Variants in AGMO observed in about 807,000 individuals in gnomAD.
AGMO encodes the protein alkylglycerol monooxygenase.
Under a neutral mutation model 60.2 loss-of-function variants are expected in AGMO, and 75 were observed. The observed-to-expected ratio is 1.25, with a 90% CI of 1.03 to 1.51. The LOEUF is 1.51. Ranked by LOEUF, AGMO falls within the 40% of genes most tolerant of loss-of-function variation. The pLI, the probability that AGMO is intolerant of heterozygous loss-of-function variation, is 0.00. For missense variants in AGMO, 763 were observed against 525.5 expected, an observed-to-expected ratio of 1.45 and a Z score of -4.42; for synonymous variants, 261 against 177.1, an observed-to-expected ratio of 1.47 and a Z score of -3.76.
the AGMO span, among the ~76,000 whole-genome samples, chr7:15,187,593 T>G: frequency 6.6e-6 from 1 of 152,308 alleles, no homozygotes; most frequent in East Asian, 1.9e-4. Context: ...CCCTCTCCGG[T>G]ACCACCCCTT....
At chr7:15,244,866 A>G (rs1433503725) in intron 12 of AGMO, among the ~76,000 whole-genome samples, 1 of 152,008 alleles carries the variant, frequency 6.6e-6, no homozygotes, top group African/African-American at 2.4e-5. Flanking sequence ...GTTACTCAGG[A>G]TGGTCTCGAT....
At chr7:15,365,667 A>T (rs761698886) in intron 11 of AGMO, 48 bp from the exon 12 acceptor site, 31 of 1,223,756 alleles carry the variant, frequency 2.5e-5, no homozygotes, top group Admixed American at 7.1e-5. Flanking sequence ...TATGCTCTTT[A>T]TATGTTCACA....
intron 5 of AGMO, among the ~76,000 whole-genome samples, chr7:15,412,684 TAAAAAAAAAAAA>T (rs765917941): frequency 9.0e-6 from 1 of 111,362 alleles, no homozygotes; most frequent in African/African-American, 3.5e-5. Context: ...TTTCATTATT[TAAAAAAAAAAAA>T]AAAAAAAAAA....
chr7:15,256,621 C>G (rs1783107893), intron 12 of AGMO, among the ~76,000 whole-genome samples: 1 of 152,174 alleles, frequency 6.6e-6, no homozygotes, highest in Non-Finnish European at 1.5e-5. Context: ...CTCGGCCTCC[C>G]AAAGTGCTGG....
At chr7:15,295,093 G>A (rs2095279375) in intron 12 of AGMO, among the ~76,000 whole-genome samples, 1 of 151,168 alleles carries the variant, frequency 6.6e-6, no homozygotes, top group African/African-American at 2.4e-5. Flanking sequence ...AAGAAAGGAG[G>A]AACAGTTAAT....
chr7:15,242,277 C>CATGA (rs1413534795), intron 12 of AGMO, among the ~76,000 whole-genome samples: 4 of 152,088 alleles, frequency 2.6e-5, no homozygotes, highest in Admixed American at 6.5e-5. Context: ...ATCTCTTGAA[C>CATGA]TCAAGAAGAA....
chr7:15,491,533 G>A (rs947542807), intron 3 of AGMO, among the ~76,000 whole-genome samples: 6 of 152,014 alleles, frequency 3.9e-5, no homozygotes, highest in Non-Finnish European at 8.8e-5. Context: ...AAAGTTCTAA[G>A]GACTTTAATA....
chr7:15,426,294 T>C (rs1323198426), intron 4 of AGMO, among the ~76,000 whole-genome samples: 1 of 152,170 alleles, frequency 6.6e-6, no homozygotes, highest in Non-Finnish European at 1.5e-5. Context: ...ACTAATTCTG[T>C]AGTAGACACT....
At chr7:15,383,234 T>A (rs1254688579) in intron 10 of AGMO, among the ~76,000 whole-genome samples, 1 of 152,166 alleles carries the variant, frequency 6.6e-6, no homozygotes, top group African/African-American at 2.4e-5. Context: ...CTTGCCACCA[T>A]GAAGGGTCAC....
intron 3 of AGMO, among the ~76,000 whole-genome samples, chr7:15,522,298 C>T (rs1414841273): frequency 2.0e-5 from 3 of 152,084 alleles, no homozygotes; most frequent in Admixed American, 6.6e-5. Context: ...AGATTCAATG[C>T]TATCTCCATG....
chr7:15,466,027 T>TG (rs1782275809), intron 3 of AGMO, among the ~76,000 whole-genome samples: 1 of 152,138 alleles, frequency 6.6e-6, no homozygotes, highest in South Asian at 2.1e-4. Context: ...CTTTATAAGT[T>TG]GGGGGTACAA....
intron 12 of AGMO, among the ~76,000 whole-genome samples, chr7:15,342,548 CTCA>C (rs1272830990): frequency 1.3e-5 from 2 of 151,870 alleles, no homozygotes; most frequent in African/African-American, 4.8e-5. Context: ...TATATTCAAC[CTCA>C]TCATATCATT....
chr7:15,396,830 G>C (rs1348534127), intron 5 of AGMO, among the ~76,000 whole-genome samples: 4 of 152,202 alleles, frequency 2.6e-5, no homozygotes, highest in South Asian at 4.1e-4. Flanking sequence ...CATTTTGAGA[G>C]AGTGCTGAGT....
the AGMO span, among the ~76,000 whole-genome samples, chr7:15,167,778 T>C: frequency 6.6e-6 from 1 of 152,230 alleles, no homozygotes; most frequent in Non-Finnish European, 1.5e-5. Flanking sequence ...AATAAACATT[T>C]AAAATTCCAA....
chr7:15,413,753 G>A (rs1329486253), intron 5 of AGMO, among the ~76,000 whole-genome samples: 1 of 152,074 alleles, frequency 6.6e-6, no homozygotes, highest in Non-Finnish European at 1.5e-5. Flanking sequence ...AGGAAAACAT[G>A]ACATCTTAAG....
chr7:15,238,869 A>G lies in AGMO; in HGVS notation c.1264-37510T>C, dbSNP rs184825926. 3.3e-3 allele frequency among the ~76,000 whole-genome samples: 499 copies of G among 152,262 alleles called. 2 individuals are homozygous for G. Among genetic ancestry groups the G allele is most frequent in the Non-Finnish European group, 4.5e-3 (306 of 67,964 alleles). ...TAAAAAATACATGTACTAGGAAAAC[A>G]TAACTTTTAATAATATGTACCCCCA... On this transcript the variant is annotated intron_variant, in intron 12 of 12. Coordinates refer to ENST00000342526, the MANE Select transcript of AGMO (RefSeq NM_001004320.2).
intron 12 of AGMO, among the ~76,000 whole-genome samples, chr7:15,355,480 G>C (rs1316433090): frequency 2.5e-5 from 3 of 120,924 alleles, no homozygotes; most frequent in Non-Finnish European, 4.7e-5. Context: ...ACTCCAGCCT[G>C]GACAACTGAG....
At chr7:15,401,723 T>C (rs1411096935) in intron 5 of AGMO, among the ~76,000 whole-genome samples, 3 of 152,144 alleles carry the variant, frequency 2.0e-5, no homozygotes, top group African/African-American at 7.2e-5. Context: ...ATATTTATGA[T>C]TCTTGTCTGA....
intron 12 of AGMO, among the ~76,000 whole-genome samples, chr7:15,317,952 CACTA>C (rs1160719193): frequency 4.8e-5 from 7 of 144,858 alleles, no homozygotes; most frequent in South Asian, 2.2e-4. Context: ...CACACACACA[CACTA>C]TATATATATA....
Sources: allele counts gnomAD v4.1 joint callset (sites outside exome capture counted in the v4.1 genomes callset), GRCh38; gene constraint gnomAD v4.1.1; transcripts MANE v1.5; gene names NCBI Gene and HGNC (gene_info 2026-07-23, HGNC 2026-07-21).